Variants in FHOD3 observed in about 807,000 individuals in gnomAD.
FHOD3 encodes the protein FH1/FH2 domain-containing protein 3.
FHOD3 carries 90 observed loss-of-function variants against 173.0 expected under a neutral mutation model. The ratio of observed to expected loss-of-function variants is 0.52; its 90% confidence interval spans 0.44 to 0.62. The LOEUF (loss-of-function observed/expected upper bound fraction) is 0.62. Ranked by LOEUF, FHOD3 falls within the 20% of genes least tolerant of loss-of-function variation. The pLI is 0.00. For synonymous variants in FHOD3, 828 were observed against 823.0 expected (o/e 1.01, Z -0.10); for missense variants, 1,945 against 2,034.7 (o/e 0.96, Z 0.85).
At chr18:36,617,730 G>A (rs543383054) in intron 9 of FHOD3, among the ~76,000 whole-genome samples, 2 of 152,142 alleles carry the variant, frequency 1.3e-5, no homozygotes, top group African/African-American at 4.8e-5. Flanking sequence ...TTCATATTCT[G>A]GTCTTTGATG....
intron 13 of FHOD3, among the ~76,000 whole-genome samples, chr18:36,653,827 G>A (rs2036230198): frequency 6.6e-6 from 1 of 152,142 alleles, no homozygotes; most frequent in South Asian, 2.1e-4. Context: ...GACATTTATT[G>A]AGCATTGTTT....
chr18:36,510,857 G>T (rs1171291584), intron 4 of FHOD3, among the ~76,000 whole-genome samples: 1 of 152,084 alleles, frequency 6.6e-6, no homozygotes, highest in Non-Finnish European at 1.5e-5. Flanking sequence ...TACGTTCAGG[G>T]CGCAGACATC....
chr18:36,510,501 C>T (rs1021749916), intron 4 of FHOD3, among the ~76,000 whole-genome samples: 2 of 152,162 alleles, frequency 1.3e-5, no homozygotes, highest in Non-Finnish European at 2.9e-5. Context: ...CTTTGCCAGA[C>T]AGTCAATTCT....
At chr18:36,379,257 A>G (rs763313352) in intron 3 of FHOD3, among the ~76,000 whole-genome samples, 6 of 152,244 alleles carry the variant, frequency 3.9e-5, no homozygotes, top group Non-Finnish European at 8.8e-5. Flanking sequence ...GGGAATTATG[A>G]AGCACCAAGA....
At chr18:36,555,921 A>T (rs1306322094) in intron 5 of FHOD3, among the ~76,000 whole-genome samples, 1 of 151,936 alleles carries the variant, frequency 6.6e-6, no homozygotes, top group Non-Finnish European at 1.5e-5. Context: ...ATTTTAGCTG[A>T]TTTTTTTCTC....
chr18:36,499,040 C>G (rs1367541377), intron 3 of FHOD3, among the ~76,000 whole-genome samples: 2 of 152,150 alleles, frequency 1.3e-5, no homozygotes, highest in Admixed American at 6.5e-5. Flanking sequence ...CATCTGCTAA[C>G]AAGTAAGAAG....
intron 3 of FHOD3, among the ~76,000 whole-genome samples, chr18:36,395,521 A>T (rs186840881): frequency 4.6e-5 from 7 of 152,134 alleles, no homozygotes; most frequent in Non-Finnish European, 1.0e-4. Flanking sequence ...ATGTAAAAAA[A>T]TGTTTTCATA....
intron 3 of FHOD3, among the ~76,000 whole-genome samples, chr18:36,496,036 C>T (rs1417998869): frequency 1.3e-5 from 2 of 152,218 alleles, no homozygotes; most frequent in African/African-American, 4.8e-5. Context: ...TTGAGCCCTT[C>T]ACATTCTAGT....
Position 36,697,327 on chromosome 18 carries a change from C to T in FHOD3, c.2236+3904C>T, listed in dbSNP as rs530252749. On this transcript the variant is annotated intron_variant, in intron 17 of 28. Transcript: ENST00000590592. ...TTCCCTCCTTGCTCCCTCTTGTAAA[C>T]GAGTCCCTCCTGAGGCCAGGTGGAG... 1.7e-4 allele frequency among the ~76,000 whole-genome samples: 26 copies of T among 152,306 alleles called. No individual in the cohort carries two copies. In the South Asian group the frequency reaches 5.0e-3, roughly 29 times the overall value.
intron 16 of FHOD3, among the ~76,000 whole-genome samples, chr18:36,687,950 A>G (rs1323171467): frequency 6.6e-6 from 1 of 152,218 alleles, no homozygotes; most frequent in Non-Finnish European, 1.5e-5. Flanking sequence ...TATGAGATAC[A>G]TTACTTTATA....
chr18:36,351,827 C>T (rs940690020), intron 1 of FHOD3, among the ~76,000 whole-genome samples: 5 of 152,100 alleles, frequency 3.3e-5, no homozygotes, highest in African/African-American at 9.7e-5. Context: ...TCTGAAGATG[C>T]GAGATGGAAA....
At chr18:36,398,852 T>C (rs374052269) in intron 3 of FHOD3, among the ~76,000 whole-genome samples, 23 of 151,950 alleles carry the variant, frequency 1.5e-4, no homozygotes, top group African/African-American at 5.3e-4. Context: ...TACATTTCAG[T>C]GTGTTGTGAG....
chr18:36,308,657 T>C (rs987786800), intron 1 of FHOD3, among the ~76,000 whole-genome samples: 46 of 152,332 alleles, frequency 3.0e-4, no homozygotes, highest in African/African-American at 1.1e-3. Flanking sequence ...CACTTCATCC[T>C]GTGGCTGCGT....
chr18:36,486,019 T>C (rs1412659114), intron 3 of FHOD3, among the ~76,000 whole-genome samples: 1 of 152,224 alleles, frequency 6.6e-6, no homozygotes, highest in Non-Finnish European at 1.5e-5. Context: ...GCTGCACATA[T>C]CTACCTGGGA....
intron 25 of FHOD3, among the ~76,000 whole-genome samples, chr18:36,755,557 A>T (rs1333967534): frequency 2.6e-5 from 4 of 151,866 alleles, no homozygotes; most frequent in Non-Finnish European, 5.9e-5. Flanking sequence ...GGAACATGGA[A>T]CCCATTTTGG....
At chr18:36,492,576 T>C (rs34700241) in intron 3 of FHOD3, among the ~76,000 whole-genome samples, 20,517 of 152,174 alleles carry the variant, frequency 0.13, 1,567 homozygotes, top group East Asian at 0.34. Context: ...ACCTAGTAGA[T>C]AACCAATCAT....
At chr18:36,562,313 G>A (rs1401765182) in intron 5 of FHOD3, among the ~76,000 whole-genome samples, 4 of 152,028 alleles carry the variant, frequency 2.6e-5, no homozygotes, top group African/African-American at 4.8e-5. Flanking sequence ...CACTGCACCC[G>A]GCCATGACAA....
chr18:36,597,419 T>TTTTTG (rs949490344), intron 7 of FHOD3, among the ~76,000 whole-genome samples: 17 of 152,104 alleles, frequency 1.1e-4, no homozygotes, highest in Non-Finnish European at 1.0e-4. Context: ...ATTGTTTTTG[T>TTTTTG]TTTTGTTTTG....
In FHOD3 at chr18:36,297,938, G is replaced by A. The variant is rs2091837895; in HGVS notation, c.103G>A (p.Glu35Lys). Residue 35 changes from glutamate (E) to lysine (K), a missense_variant, in exon 1 of 29, where the codon GAG (glutamate) becomes AAG (lysine). Coordinates refer to ENST00000590592, the MANE Select transcript of FHOD3 (RefSeq NM_001281740.3). ...PSRPPLFTFR[E>K]DLALGTQLAG... ...CCGGCCGCCGCTGTTCACGTTCCGC[G>A]AGGACCTCGCGCTCGGCACCCAGCT... The A allele has an allele frequency of 1.3e-6, 2 of 1,566,112 alleles. No individual in the cohort carries two copies. Among genetic ancestry groups the A allele is most frequent in the African/African-American group, 1.4e-5 (1 of 72,572 alleles).
Sources: allele counts gnomAD v4.1 joint callset (sites outside exome capture counted in the v4.1 genomes callset), GRCh38; gene constraint gnomAD v4.1.1; transcripts MANE v1.5; gene names NCBI Gene and HGNC (gene_info 2026-07-23, HGNC 2026-07-21).